Variants in ZNF385D observed in about 807,000 individuals in gnomAD.
ZNF385D encodes the protein zinc finger protein 659.
ZNF385D carries 15 observed loss-of-function variants against 35.8 expected under a neutral mutation model. The observed-to-expected ratio is 0.42, with a 90% CI of 0.28 to 0.64. The LOEUF is 0.64. Among genes scored for constraint, ZNF385D ranks in the 30% least tolerant of loss-of-function variants. The pLI, the probability that ZNF385D is intolerant of heterozygous loss-of-function variation, is 0.23. For missense variants in ZNF385D, 474 were observed against 494.6 expected (o/e 0.96, Z 0.39); for synonymous variants, 212 against 186.8 (o/e 1.13, Z -1.10).
chr3:22,176,201 G>A (rs1694822568), intron 2 of ZNF385D, among the ~76,000 whole-genome samples: 1 of 151,504 alleles, frequency 6.6e-6, no homozygotes, highest in South Asian at 2.1e-4. Flanking sequence ...CTTCAGTGGT[G>A]TGTGTGTGTG....
chr3:21,918,234 C>G (rs1469665921), intron 3 of ZNF385D, among the ~76,000 whole-genome samples: 2 of 152,116 alleles, frequency 1.3e-5, no homozygotes, highest in East Asian at 1.9e-4. Flanking sequence ...TATGCTCAGA[C>G]AGTGGATGAG....
intron 3 of ZNF385D, among the ~76,000 whole-genome samples, chr3:22,005,002 G>A (rs1338894203): frequency 7.7e-6 from 1 of 129,892 alleles, no homozygotes; most frequent in African/African-American, 2.9e-5. Flanking sequence ...TAAATTGACT[G>A]AGACCTGCCT....
intron 2 of ZNF385D, among the ~76,000 whole-genome samples, chr3:22,333,705 A>G (rs922951834): frequency 1.3e-5 from 2 of 152,090 alleles, no homozygotes; most frequent in African/African-American, 2.4e-5. Flanking sequence ...GAGAATTTTT[A>G]TAATAGCTGC....
At chr3:21,461,611 A>T (rs747948472) in intron 4 of ZNF385D, among the ~76,000 whole-genome samples, 8 of 152,240 alleles carry the variant, frequency 5.3e-5, no homozygotes, top group Middle Eastern at 3.2e-3. Context: ...TTCAAAGCAG[A>T]CTATTTAAGA....
chr3:22,005,563 C>G (rs974592330), intron 3 of ZNF385D, among the ~76,000 whole-genome samples: 34 of 151,990 alleles, frequency 2.2e-4, no homozygotes, highest in African/African-American at 8.2e-4. Context: ...TTGACCATTG[C>G]ACAATTACAC....
intron 2 of ZNF385D, among the ~76,000 whole-genome samples, chr3:22,216,148 A>T (rs146556545): frequency 6.6e-6 from 1 of 152,094 alleles, no homozygotes; most frequent in South Asian, 2.1e-4. Flanking sequence ...TCTGAAACAG[A>T]TATTTCAGGA....
intron 2 of ZNF385D, among the ~76,000 whole-genome samples, chr3:22,362,614 C>T (rs946240012): frequency 8.6e-5 from 13 of 151,898 alleles, no homozygotes; most frequent in African/African-American, 2.7e-4. Context: ...CTTATCGTTC[C>T]GACTCTTAAG....
chr3:22,025,857 C>T (rs772635513), intron 3 of ZNF385D, among the ~76,000 whole-genome samples: 2 of 152,180 alleles, frequency 1.3e-5, no homozygotes, highest in South Asian at 2.1e-4. Flanking sequence ...CCTGTAATTG[C>T]TCTTCTCTGT....
intron 3 of ZNF385D, among the ~76,000 whole-genome samples, chr3:22,028,207 T>C (rs1352926551): frequency 1.3e-5 from 2 of 152,206 alleles, no homozygotes; most frequent in African/African-American, 4.8e-5. Flanking sequence ...AAGATGCTTG[T>C]ATTCCATGTG....
chr3:21,950,036 T>G (rs997290811), intron 3 of ZNF385D, among the ~76,000 whole-genome samples: 1 of 152,198 alleles, frequency 6.6e-6, no homozygotes, highest in South Asian at 2.1e-4. Context: ...CATGTCTTTA[T>G]AGTAGAATGA....
chr3:22,151,819 G>C (rs746715330), intron 3 of ZNF385D, among the ~76,000 whole-genome samples: 6 of 152,020 alleles, frequency 3.9e-5, no homozygotes, highest in African/African-American at 1.4e-4. Context: ...AACCACAAGG[G>C]CTAGAAGAAA....
intron 4 of ZNF385D, among the ~76,000 whole-genome samples, chr3:21,456,295 A>C (rs1205148005): frequency 2.6e-5 from 4 of 152,242 alleles, no homozygotes; most frequent in Admixed American, 2.0e-4. Context: ...ATGTATGTTT[A>C]TTGTGGCACT....
At chr3:22,269,171 C>A (rs1159759782) in intron 2 of ZNF385D, among the ~76,000 whole-genome samples, 1 of 151,900 alleles carries the variant, frequency 6.6e-6, no homozygotes, top group African/African-American at 2.4e-5. Flanking sequence ...AAGGGCCAAG[C>A]CTGAGACTTA....
intron 3 of ZNF385D, among the ~76,000 whole-genome samples, chr3:22,094,902 G>T (rs573188551): frequency 4.0e-4 from 60 of 151,850 alleles, no homozygotes; most frequent in Non-Finnish European, 6.6e-4. Context: ...CTATGTTCCT[G>T]GAAATTCTTT....
intron 1 of ZNF385D, among the ~76,000 whole-genome samples, chr3:21,728,405 A>G (rs2068856486): frequency 6.6e-6 from 1 of 152,160 alleles, no homozygotes; most frequent in Non-Finnish European, 1.5e-5. Context: ...ACGTTTTACC[A>G]GAACACAGAG....
intron 2 of ZNF385D, among the ~76,000 whole-genome samples, chr3:22,365,444 T>C (rs1696612109): frequency 6.6e-6 from 1 of 152,132 alleles, no homozygotes; most frequent in African/African-American, 2.4e-5. Flanking sequence ...TATTTCTATG[T>C]AATTACATTA....
intron 3 of ZNF385D, among the ~76,000 whole-genome samples, chr3:21,801,064 G>T (rs1447099601): frequency 6.6e-6 from 1 of 151,974 alleles, no homozygotes; most frequent in African/African-American, 2.4e-5. Flanking sequence ...TAATTTTTCT[G>T]CATCAATTTA....
At chr3:21,727,886 T>C (rs887259874) in intron 1 of ZNF385D, among the ~76,000 whole-genome samples, 6 of 152,142 alleles carry the variant, frequency 3.9e-5, no homozygotes, top group Non-Finnish European at 8.8e-5. Flanking sequence ...GTGGCACTAT[T>C]CACAATAGCA....
At chr3:22,230,931 T>C (rs1698851783) in intron 2 of ZNF385D, among the ~76,000 whole-genome samples, 2 of 152,108 alleles carry the variant, frequency 1.3e-5, no homozygotes, top group African/African-American at 2.4e-5. Context: ...TTCAGGGTCA[T>C]TTAGCTGAGG....
Sources: gnomAD v4.1 joint callset for allele counts (sites outside exome capture counted in the v4.1 genomes callset) on GRCh38, gnomAD v4.1.1 for gene constraint, MANE v1.5 for transcripts, NCBI Gene and HGNC (gene_info 2026-07-23, HGNC 2026-07-21) for gene names.